PARP10: variants seen among roughly 807,000 people sequenced by gnomAD.
PARP10 encodes poly(ADP-ribose) polymerase family member 10.
Under a neutral mutation model 82.4 loss-of-function variants are expected in PARP10, and 56 were observed. The observed-to-expected ratio is 0.68, with a 90% CI of 0.55 to 0.85. The LOEUF (loss-of-function observed/expected upper bound fraction) is 0.85. PARP10 is among the 40% of genes least tolerant of loss of function. The probability of loss-of-function intolerance (pLI) is 0.00; values close to 1 mark genes in which losing one functional copy is unlikely to be tolerated. For synonymous variants in PARP10, 576 were observed against 601.1 expected, an observed-to-expected ratio of 0.96 and a Z score of 0.61; for missense variants, 1,227 against 1,379.4, an observed-to-expected ratio of 0.89 and a Z score of 1.75.
upstream of PARP10, chr8:143,986,991 C>A: frequency 6.4e-6 from 1 of 155,054 alleles, no homozygotes. Flanking sequence ...CTTCCTCCCG[C>A]CTCAGGTCTT....
In PARP10 at chr8:143,983,486, C is replaced by T. The variant is rs1833911885; in HGVS notation, c.2103G>A (p.Gly701=). 6.2e-7 allele frequency: 1 copy of T among 1,607,052 alleles called. No homozygotes were observed. The highest frequency in any genetic ancestry group is 8.5e-7 in the Non-Finnish European group (1 of 1,178,072). Residue 701 remains glycine (G), a synonymous_variant, in exon 8 of 11, where the codon GGG becomes GGA. Transcript: ENST00000313028. ...CCAGCTGGGCCTTGCCATCAGTCCC[C>T]CCATCTGGGGGCTCTTCTGCCTCCA... is the stretch of plus-strand genomic sequence containing the variant. ...PPLEAEEPPD[G]GTDGKAQLVV... is the part of the protein sequence containing the mutation.
At chr8:143,995,805 C>G (rs1044958440), upstream of PARP10, among the ~76,000 whole-genome samples, 1 of 152,142 alleles carries the variant, frequency 6.6e-6, no homozygotes, top group South Asian at 2.1e-4. Context: ...AATACAAAAA[C>G]AAGACCCCTC....
chr8:144,001,620 C>T (rs1834203318), intron 1 of PARP10, among the ~76,000 whole-genome samples: 1 of 152,050 alleles, frequency 6.6e-6, no homozygotes, highest in Non-Finnish European at 1.5e-5. Context: ...GCAGGAGAAT[C>T]ACTTCAACCC....
Position 143,985,652 on chromosome 8 carries a change from T to C in PARP10, c.437-4A>G. ...TGCTCCTCCAGGACACGGACATCTG[T>C]GGGGTATGTGCAGGTCAGCTCAGGG... On this transcript the variant is annotated splice_polypyrimidine_tract_variant and splice_region_variant and intron_variant, in intron 3 of 10. Transcript: ENST00000313028. 4.3e-6 allele frequency: 7 copies of C among 1,612,492 alleles called. No homozygotes were observed. The highest frequency in any genetic ancestry group is 5.9e-6 in the Non-Finnish European group (7 of 1,179,558).
Position 143,982,173 on chromosome 8 carries a change from G to A in PARP10, c.2556+759C>T, listed in dbSNP as rs575283678. On this transcript the variant is annotated intron_variant, in intron 9 of 10. Coordinates refer to ENST00000313028, the MANE Select transcript of PARP10 (RefSeq NM_032789.5). ...CACAACTTTGGGCATCAAGAGTTGAGAGTGCCCCGTGCAAGGCCGGGCGCG... is the reference window on the plus strand; with the variant it reads ...CACAACTTTGGGCATCAAGAGTTGAAAGTGCCCCGTGCAAGGCCGGGCGCG... Among the ~76,000 whole-genome samples, 9 of 152,300 alleles carry A rather than the reference G, an allele frequency of 5.9e-5. No homozygotes were observed. In the East Asian group the frequency reaches 1.2e-3, roughly 20 times the overall value.
upstream of PARP10, among the ~76,000 whole-genome samples, chr8:143,995,489 A>C (rs1263275309): frequency 6.6e-6 from 1 of 152,182 alleles, no homozygotes; most frequent in African/African-American, 2.4e-5. Context: ...GTACGTGGTG[A>C]TGTGGCCAGG....
chr8:143,984,291 G>C lies in PARP10; in HGVS notation c.1599C>G (p.Leu533=), dbSNP rs1554748588. ...ACTGGAACTGAGCCTCCAGCCCCTGGAGAAGGTGCTGCCCTTCTGGGCCCA... is the reference window on the plus strand; with the variant it reads ...ACTGGAACTGAGCCTCCAGCCCCTGCAGAAGGTGCTGCCCTTCTGGGCCCA... ...FLLGPEGQHL[L]QGLEAQFQCV... The change falls in exon 6 of 11, where the codon CTC becomes CTG. Residue 533 remains leucine (L), a synonymous_variant. Transcript: ENST00000313028. The C allele has an allele frequency of 6.2e-7, 1 of 1,613,956 alleles. No homozygotes were observed.
upstream of PARP10, chr8:143,990,876 A>T (rs1212263261): frequency 1.2e-5 from 2 of 166,118 alleles, no homozygotes; most frequent in South Asian, 1.7e-4. The surrounding 1 kb of genome is among the most constrained non-coding windows in gnomAD (Gnocchi z 5.6). Flanking sequence ...CACCCGGGAG[A>T]CGCCGGCAGC....
At chr8:143,978,581 C>T (rs1385851709) in intron 9 of PARP10, among the ~76,000 whole-genome samples, 1 of 152,318 alleles carries the variant, frequency 6.6e-6, no homozygotes, top group South Asian at 2.1e-4. Context: ...TGAAAAGGAA[C>T]TAGTCTGAAA....
At position 143,983,308 on chromosome 8, in the gene PARP10, T is replaced by G. The variant is rs782035358; in HGVS notation, c.2281A>C (p.Ser761Arg). 2 of 1,612,310 alleles carry G rather than the reference T, an allele frequency of 1.2e-6. No homozygotes were observed. The highest frequency in any genetic ancestry group is 1.3e-5 in the African/African-American group (1 of 74,844). ...RARLERCHGV[S>R]VALRGDCTIL... Reference sequence around the variant, plus strand: ...GTGCAGTCACCACGCAGGGCAACACTCACACCATGGCACCGCTCCAGGCGA... The same window carrying G: ...GTGCAGTCACCACGCAGGGCAACACGCACACCATGGCACCGCTCCAGGCGA... The change falls in exon 8 of 11, where the codon AGT (serine) becomes CGT (arginine). Residue 761 changes from serine (S) to arginine (R), a missense_variant. Ser to Arg is a moderately radical substitution (Grantham distance 110). Transcript: ENST00000313028.
chr8:144,012,635 G>A lies in PARP10; in HGVS notation c.-185C>T, dbSNP rs142344652. ...GGGAGAATCACGAGCTCAAGTCAGC[G>A]ATCAAGACTCAGGCAGGCGGGCTCG... is the stretch of plus-strand genomic sequence containing the variant. On this transcript the variant is annotated 5_prime_UTR_variant, in exon 1 of 4. Transcript: ENST00000530478. 7.1e-4 allele frequency: 1,104 copies of A among 1,551,732 alleles called. 6 individuals carry two copies. In the African/African-American group the frequency reaches 0.012, roughly 17 times the overall value.
Position 143,985,262 on chromosome 8 carries a change from T to C in PARP10, c.740A>G (p.Tyr247Cys). The C allele has an allele frequency of 6.2e-7, 1 of 1,613,902 alleles. No homozygotes were observed. The highest frequency in any genetic ancestry group is 8.5e-7 in the Non-Finnish European group (1 of 1,179,942). Residue 247 changes from tyrosine to cysteine, a missense_variant, in exon 5 of 11, where the codon TAC becomes TGC. Tyr to Cys is a radical substitution (Grantham distance 194, BLOSUM62 -2). Transcript: ENST00000313028. ...CAGCTCCTCGGGCTCCAGGATGTCGTAGTGGGGGACAAGGCTCAGCTCTGA... is the reference window on the plus strand; with the variant it reads ...CAGCTCCTCGGGCTCCAGGATGTCGCAGTGGGGGACAAGGCTCAGCTCTGA... Reference protein sequence around the residue: ...QGSELSLVPHYDILEPEELAE... With the variant: ...QGSELSLVPHCDILEPEELAE...
At chr8:143,980,172 A>T (rs184397416) in intron 9 of PARP10, among the ~76,000 whole-genome samples, 118 of 139,110 alleles carry the variant, frequency 8.5e-4, no homozygotes, top group Non-Finnish European at 1.2e-3. Context: ...ATACAAAAAT[A>T]AGCTGGGCGT....
At chr8:144,003,014 C>T (rs1438343371) in intron 1 of PARP10, among the ~76,000 whole-genome samples, 1 of 152,116 alleles carries the variant, frequency 6.6e-6, no homozygotes, top group Non-Finnish European at 1.5e-5. Context: ...AAAAAGAATT[C>T]CTACAAACCA....
rs782754950 is a variant in PARP10 at position 143,984,047 on chromosome 8, G to A, written c.1738C>T (p.Pro580Ser). ...TCCTGGTCACCACCTGTACTGTCTG[G>A]GGTCCACAGGGTGTGGGCGTTGCCA... ...LPGNAHTLWT[P>S]DSTGGDQEDV... The change falls in exon 7 of 11, where the codon CCA (proline) becomes TCA (serine). Residue 580 changes from proline to serine, a missense_variant. By Grantham distance (74) the Pro-to-Ser change is moderately conservative. Transcript: ENST00000313028. 2 of 1,538,802 alleles carry A rather than the reference G, an allele frequency of 1.3e-6. No individual in the cohort carries two copies. Among genetic ancestry groups the A allele is most frequent in the South Asian group, 2.5e-5 (2 of 78,576 alleles).
chr8:143,984,599 C>A lies in PARP10; in HGVS notation c.1403G>T (p.Gly468Val), dbSNP rs112055479. 14 of 1,613,716 alleles carry A rather than the reference C, an allele frequency of 8.7e-6. No individual in the cohort carries two copies. The African/African-American group carries it at 9.3e-5, about 11-fold the overall frequency. The change falls in exon 5 of 11, where the codon GGC becomes GTC. Residue 468 changes from glycine (G) to valine (V), a missense_variant. Transcript: ENST00000313028. ...LQLYHEDLLA[G>V]LGDVALLPLE... ...TGGCAAGAGAGCGACGTCTCCCAGG[C>A]CCGCAAGAAGGTCCTCATGGTAGAG...
At chr8:144,004,514 G>A (rs897050556) in intron 1 of PARP10, among the ~76,000 whole-genome samples, 1 of 152,230 alleles carries the variant, frequency 6.6e-6, no homozygotes, top group East Asian at 1.9e-4. Context: ...CCACCTCCCG[G>A]TACCTCACAC....
rs199825165 is a variant in PARP10, at chr8:143,983,362, G to T, written c.2227C>A (p.Arg743Ser). Residue 743 changes from arginine (R) to serine (S), a missense_variant, in exon 8 of 11, where the codon CGC (arginine) becomes AGC (serine). Transcript: ENST00000313028. ...HVQEETVGPW[R>S]RTLPAELRAR... ...CGCAGCTCTGCAGGCAGTGTGCGGC[G>T]CCAGGGCCCCACCGTCTCCTCCTGG... The T allele has an allele frequency of 5.2e-5, 84 of 1,606,612 alleles. No homozygotes were observed. Among genetic ancestry groups the T allele is most frequent in the Non-Finnish European group, 7.6e-6 (9 of 1,178,716 alleles).
At chr8:143,979,692 C>T (rs13256523) in intron 9 of PARP10, among the ~76,000 whole-genome samples, 6,928 of 151,878 alleles carry the variant, frequency 0.046, 234 homozygotes, top group Non-Finnish European at 0.071. Flanking sequence ...GGGTGGATCA[C>T]TTGAGGTCAG....
Sources: gnomAD v4.1 joint callset for allele counts (sites outside exome capture counted in the v4.1 genomes callset) on GRCh38, gnomAD v4.1.1 for gene constraint, Gnocchi (gnomAD v3.1) non-coding constraint, MANE v1.5 for transcripts, NCBI Gene and HGNC (gene_info 2026-07-23, HGNC 2026-07-21) for gene names.